MYH6: variants seen among roughly 807,000 people sequenced by gnomAD.
The protein encoded by MYH6 is myosin-6.
A neutral mutation model predicts 223.2 loss-of-function variants in MYH6; 126 were observed. That is an observed-to-expected ratio of 0.56 (90% CI 0.49 to 0.65). The LOEUF (loss-of-function observed/expected upper bound fraction) is 0.65, where lower values mean the gene tolerates loss of function less well. MYH6 is among the 30% of genes least tolerant of loss of function. The pLI, the probability that MYH6 is intolerant of heterozygous loss-of-function variation, is 0.00. For synonymous variants in MYH6, 978 were observed against 1,010.2 expected (o/e 0.97, Z 0.61); for missense variants, 2,040 against 2,536.4 (o/e 0.80, Z 4.20).
At position 23,388,186 on chromosome 14, in the gene MYH6, G is replaced by A; in HGVS notation, c.4328C>T (p.Ala1443Val). The A allele has an allele frequency of 6.2e-7, 1 of 1,612,320 alleles. No homozygotes were observed. The highest frequency in any genetic ancestry group is 2.2e-5 in the East Asian group (1 of 44,882). ...AAAGTTTCTCTGCTTCTTGTCCAGG[G>A]CTGCAGCAGCAGCATTGGAGCGCTC... ...DVERSNAAAA[A>V]LDKKQRNFDK... Residue 1443 changes from alanine (A) to valine (V), a missense_variant, in exon 30 of 39, where the codon GCC (alanine) becomes GTC (valine). Ala to Val is a moderately conservative substitution (Grantham distance 64). This residue lies in a region of MYH6 where 1,203 missense variants were observed against 1,400.2 expected (regional missense o/e 0.86). Coordinates refer to ENST00000405093, the MANE Select transcript of MYH6 (RefSeq NM_002471.4).
chr14:23,396,590 G>A (rs1891402585), intron 19 of MYH6, 104 bp downstream of exon 19: 4 of 1,602,054 alleles, frequency 2.5e-6, no homozygotes, highest in Non-Finnish European at 3.4e-6. Context: ...CCTTGATAAG[G>A]TTGATAAGGA....
Position 23,396,691 on chromosome 14 carries a change from C to G in MYH6, c.2292+3G>C, listed in dbSNP as rs756810459. On this transcript the variant is annotated splice_donor_region_variant and intron_variant, in intron 19 of 38. Coordinates refer to ENST00000405093, the MANE Select transcript of MYH6 (RefSeq NM_002471.4). The stretch of plus-strand genomic sequence containing the variant: ...CAACCACCCAGTGGGGCTCTAGACT[C>G]ACCTTGGTGTGGCCAAACTTGTACT... 2 of 1,614,044 alleles carry G rather than the reference C, an allele frequency of 1.2e-6. No homozygotes were observed. The highest frequency in any genetic ancestry group is 1.7e-4 in the Middle Eastern group (1 of 6,056).
Position 23,402,614 on chromosome 14 carries a change from C to T in MYH6, c.1003-12G>A, listed in dbSNP as rs201978721. On this transcript the variant is annotated splice_polypyrimidine_tract_variant and intron_variant, in intron 11 of 38. Coordinates refer to ENST00000405093, the MANE Select transcript of MYH6 (RefSeq NM_002471.4). The stretch of plus-strand genomic sequence containing the variant: ...ACGTCAAAGGCACTCTGGGACAGAG[C>T]GAGAGACAAAGAGGGGGGTTGGAGC... 5.6e-6 allele frequency: 9 copies of T among 1,613,686 alleles called. No homozygotes were observed. In the East Asian group the frequency reaches 6.7e-5, roughly 12 times the overall value.
rs1192081784 is a variant in MYH6, at chr14:23,396,737, G to T, written c.2249C>A (p.Ser750Tyr). The change falls in exon 19 of 39, where the codon TCT (serine) becomes TAT (tyrosine). Residue 750 changes from serine (S) to tyrosine (Y), a missense_variant. By Grantham distance (144) the Ser-to-Tyr change is moderately radical. Transcript: ENST00000405093. ...GTACTGGTTGTGATCAATGTCCAGAGAGCTGAGCAGCTTCTCTGTCCCCTT... is the reference window on the plus strand; with the variant it reads ...GTACTGGTTGTGATCAATGTCCAGATAGCTGAGCAGCTTCTCTGTCCCCTT... ...SRKGTEKLLS[S>Y]LDIDHNQYKF... is the part of the protein sequence containing the mutation. 3.1e-6 allele frequency: 5 copies of T among 1,613,992 alleles called. No individual in the cohort carries two copies. The East Asian group carries it at 8.9e-5, about 29-fold the overall frequency.
At chr14:23,387,398 G>A (rs1595050328) in intron 32 of MYH6, 131 bp downstream of exon 32, 1 of 1,426,566 alleles carries the variant, frequency 7.0e-7, no homozygotes. Context: ...GTGAATAGTG[G>A]GTAGATAATG....
chr14:23,395,576 G>A (rs1891367172), intron 20 of MYH6, among the ~76,000 whole-genome samples: 1 of 151,740 alleles, frequency 6.6e-6, no homozygotes, highest in African/African-American at 2.4e-5. Flanking sequence ...GCCCAGGCTA[G>A]AGTGCAGTGG....
chr14:23,407,506 T>A lies in MYH6; in HGVS notation c.-14+70A>T. On this transcript the variant is annotated intron_variant, in intron 2 of 38. Coordinates refer to ENST00000405093, the MANE Select transcript of MYH6 (RefSeq NM_002471.4). This position sits in a 1 kb window ranked among gnomAD's most constrained non-coding sequence, Gnocchi z 5.6. ...CTGAGTGCTTGGGACAGCAGACCCC[T>A]GGTCCAGCAATCCGGCTCCCAGGAG... 7.6e-7 allele frequency: 1 copy of A among 1,321,648 alleles called. No homozygotes were observed. The highest frequency in any genetic ancestry group is 9.8e-7 in the Non-Finnish European group (1 of 1,023,972). 81.9% of individuals were successfully genotyped at this position (1,321,648 alleles called of 1,614,324 possible). A position where few individuals can be genotyped will look rare whatever the true frequency, so the allele number is the denominator to read the frequency against.
chr14:23,394,684 C>T (rs904541940), intron 20 of MYH6, among the ~76,000 whole-genome samples: 15 of 152,098 alleles, frequency 9.9e-5, no homozygotes, highest in African/African-American at 3.1e-4. Flanking sequence ...AGCAAAATGA[C>T]TATCCATGAA....
chr14:23,399,112 A>G, intron 14 of MYH6, 75 bp from the exon 15 acceptor site: 10 of 1,570,840 alleles, frequency 6.4e-6, no homozygotes, highest in Non-Finnish European at 8.7e-6. Flanking sequence ...ATACCCTGAC[A>G]GGAAAAGGAA....
chr14:23,400,089 G>C, intron 14 of MYH6, 167 bp downstream of exon 14: 6 of 1,026,012 alleles, frequency 5.8e-6, no homozygotes, highest in Non-Finnish European at 8.8e-6. Context: ...AGGAAGAGTG[G>C]GGGGATCATC....
chr14:23,396,454 C>A, intron 19 of MYH6, 34 bp from the exon 20 acceptor site: 1 of 1,611,456 alleles, frequency 6.2e-7, no homozygotes, highest in Non-Finnish European at 8.5e-7. Flanking sequence ...CAGGCCGCAG[C>A]CTCAGAGGGG....
In MYH6 at chr14:23,397,480, A is replaced by T. The variant is rs1483878851; in HGVS notation, c.1962+63T>A. The T allele has an allele frequency of 1.9e-6, 3 of 1,561,862 alleles. No individual in the cohort carries two copies. In the African/African-American group the frequency reaches 4.1e-5, roughly 21 times the overall value. Reference sequence around the variant, plus strand: ...ACTCAAGCATCAGAATAGGTGGTGCAGCCAGAAGTCTCTGGGCTGGGCCAT... The same window carrying T: ...ACTCAAGCATCAGAATAGGTGGTGCTGCCAGAAGTCTCTGGGCTGGGCCAT... On this transcript the variant is annotated intron_variant, in intron 16 of 38. Coordinates refer to ENST00000405093, the MANE Select transcript of MYH6 (RefSeq NM_002471.4).
At chr14:23,404,068 C>T (rs1595063680) in intron 8 of MYH6, among the ~76,000 whole-genome samples, 1 of 152,208 alleles carries the variant, frequency 6.6e-6, no homozygotes, top group Non-Finnish European at 1.5e-5. Flanking sequence ...GATATTAGTC[C>T]CCCTGTTTCA....
At position 23,403,261 on chromosome 14, in the gene MYH6, G is replaced by C. The variant is rs531598104; in HGVS notation, c.898+87C>G. ...TGAGCAGCAAGGTGGGGCACAGTGG[G>C]GAGCAGGAGGGCCCTGCCCTGCATG... On this transcript the variant is annotated intron_variant, in intron 10 of 38. Coordinates refer to ENST00000405093, the MANE Select transcript of MYH6 (RefSeq NM_002471.4). The C allele has an allele frequency of 1.1e-4, 124 of 1,108,154 alleles. No individual in the cohort carries two copies. In the South Asian group the frequency reaches 1.4e-3, roughly 13 times the overall value. The allele number at this position is 1,108,154 out of a possible 1,614,324, so 68.6% of individuals were successfully genotyped here.
chr14:23,394,769 C>A (rs1325491846), intron 20 of MYH6, among the ~76,000 whole-genome samples: 1 of 152,196 alleles, frequency 6.6e-6, no homozygotes, highest in African/African-American at 2.4e-5. Context: ...ACCCCTGTCA[C>A]CCCGCCAGGA....
rs770770450 is a variant in MYH6 at position 23,388,135 on chromosome 14, G to A, written c.4359+20C>T. Reference sequence around the variant, plus strand: ...CCCCCTTGCCCTGCATGCTGGCTGCGGCCCCCGCCCATGGTCCACCTTGTC... The same window carrying A: ...CCCCCTTGCCCTGCATGCTGGCTGCAGCCCCCGCCCATGGTCCACCTTGTC... On this transcript the variant is annotated intron_variant, in intron 30 of 38. Coordinates refer to ENST00000405093, the MANE Select transcript of MYH6 (RefSeq NM_002471.4). 24 of 1,612,078 alleles carry A rather than the reference G, an allele frequency of 1.5e-5. No individual in the cohort carries two copies. Among genetic ancestry groups the A allele is most frequent in the Admixed American group, 6.7e-5 (4 of 60,000 alleles).
intron 26 of MYH6, 57 bp downstream of exon 26, chr14:23,390,000 A>T (rs1265975849): frequency 3.1e-6 from 5 of 1,613,062 alleles, no homozygotes; most frequent in Non-Finnish European, 4.2e-6. Flanking sequence ...GAGAGAAGGC[A>T]TGGGGGAGGC....
At chr14:23,406,621 T>G (rs1891796841) in intron 3 of MYH6, among the ~76,000 whole-genome samples, 1 of 152,208 alleles carries the variant, frequency 6.6e-6, no homozygotes, top group African/African-American at 2.4e-5. Context: ...CATCTGGGTC[T>G]AAGAATTACT....
At chr14:23,404,648 G>T (rs1595063989) in intron 7 of MYH6, 63 bp downstream of exon 7, 1 of 1,477,902 alleles carries the variant, frequency 6.8e-7, no homozygotes, top group Non-Finnish European at 9.4e-7. Flanking sequence ...GGAGGGTTAG[G>T]GGTAACTCGG....
Sources: allele counts gnomAD v4.1 joint callset (sites outside exome capture counted in the v4.1 genomes callset), GRCh38; gene constraint gnomAD v4.1.1; regional missense constraint gnomAD v4.1.1; non-coding constraint Gnocchi (gnomAD v3.1); transcripts MANE v1.5; gene names NCBI Gene and HGNC (gene_info 2026-07-23, HGNC 2026-07-21).